The following C16orf74 variants were observed in gnomAD, a reference collection of about 807,000 sequenced individuals.
The protein encoded by C16orf74 is calcimembrin, also known as uncharacterized protein C16orf74.
In C16orf74, 10 loss-of-function variants were observed where a neutral mutation model predicts 6.5. The observed-to-expected ratio is 1.54, with a 90% confidence interval of 0.95 to 2.61. C16orf74 has a LOEUF of 2.61. C16orf74 is among the 30% of genes most tolerant of loss of function. The pLI, the probability that C16orf74 is intolerant of heterozygous loss-of-function variation, is 0.00. For synonymous variants in C16orf74, 60 were observed against 42.5 expected (o/e 1.41, Z -1.60); for missense variants, 141 against 105.9 (o/e 1.33, Z -1.45).
At chr16:85,712,223 C>T (rs2053977458) in intron 2 of C16orf74, among the ~76,000 whole-genome samples, 2 of 152,184 alleles carry the variant, frequency 1.3e-5, no homozygotes, top group Admixed American at 1.3e-4. Context: ...GACTGCAGCC[C>T]CGGCTGACAT....
intron 2 of C16orf74, among the ~76,000 whole-genome samples, chr16:85,719,431 G>T (rs938994975): frequency 6.6e-6 from 1 of 152,144 alleles, no homozygotes; most frequent in Admixed American, 6.5e-5. Context: ...TTTGAGAACA[G>T]TGCTTGTGGG....
chr16:85,742,176 C>T (rs2054316208), intron 1 of C16orf74, among the ~76,000 whole-genome samples: 1 of 152,138 alleles, frequency 6.6e-6, no homozygotes, highest in Non-Finnish European at 1.5e-5. Flanking sequence ...AGTTTGAGAC[C>T]AGCCTGGCCA....
chr16:85,749,071 G>A (rs929647452), intron 1 of C16orf74, among the ~76,000 whole-genome samples: 1 of 151,712 alleles, frequency 6.6e-6, no homozygotes, highest in Non-Finnish European at 1.5e-5. Context: ...GTGAGCCACT[G>A]TGCCTGGGCC....
chr16:85,729,730 T>G (rs531698557), intron 2 of C16orf74, among the ~76,000 whole-genome samples: 1 of 151,202 alleles, frequency 6.6e-6, no homozygotes. Context: ...GAGAGGGAGG[T>G]TGAATGCAGG....
chr16:85,738,620 C>T lies in C16orf74; in HGVS notation c.-18-3385G>A, dbSNP rs61155470. On this transcript the variant is annotated intron_variant, in intron 1 of 3. Transcript: ENST00000284245. ...TGCTGGGATTTCAGGTGTGAGCCAC[C>T]GCGCCGGGCCCGGCACTGGGATTTT... 9.0e-3 allele frequency among the ~76,000 whole-genome samples: 1,365 copies of T among 152,048 alleles called. 24 individuals carry two copies. The highest frequency in any genetic ancestry group is 0.031 in the African/African-American group (1,291 of 41,478).
intron 1 of C16orf74, among the ~76,000 whole-genome samples, chr16:85,746,296 G>T (rs1020663248): frequency 1.3e-5 from 2 of 152,218 alleles, no homozygotes; most frequent in Non-Finnish European, 2.9e-5. Flanking sequence ...GCTGCAGCTA[G>T]TGGAGATCGC....
intron 3 of C16orf74, among the ~76,000 whole-genome samples, chr16:85,708,834 C>T (rs941039661): frequency 6.6e-6 from 1 of 152,238 alleles, no homozygotes; most frequent in African/African-American, 2.4e-5. Flanking sequence ...CCCTCCCAGA[C>T]AGCCTTCCAT....
chr16:85,738,668 C>T (rs1029076697), intron 1 of C16orf74, among the ~76,000 whole-genome samples: 86 of 151,916 alleles, frequency 5.7e-4, no homozygotes, highest in African/African-American at 2.0e-3. Context: ...GCAGGACTCT[C>T]ACATGCAGGA....
chr16:85,741,252 C>G (rs1438477794), intron 1 of C16orf74, among the ~76,000 whole-genome samples: 1 of 152,184 alleles, frequency 6.6e-6, no homozygotes, highest in Non-Finnish European at 1.5e-5. Flanking sequence ...GGGCCAGGCT[C>G]TGGCCGAGCA....
At chr16:85,725,856 G>C (rs7204284) in intron 2 of C16orf74, among the ~76,000 whole-genome samples, 3,706 of 152,162 alleles carry the variant, frequency 0.024, 149 homozygotes, top group African/African-American at 0.083. Flanking sequence ...TGCCCACCTT[G>C]GCTTTCCGAA....
chr16:85,708,204 C>A, intron 3 of C16orf74, 138 bp from the exon 4 acceptor site: 2 of 707,530 alleles, frequency 2.8e-6, no homozygotes, highest in South Asian at 3.5e-5. Context: ...TGGGACCCAG[C>A]CCAGTGATGC....
chr16:85,714,406 T>TAC (rs2054000245), intron 2 of C16orf74, among the ~76,000 whole-genome samples: 8 of 35,736 alleles, frequency 2.2e-4, no homozygotes, highest in East Asian at 1.7e-3. Flanking sequence ...TATTTATTAT[T>TAC]TATTTATTTA....
chr16:85,730,673 AC>A (rs2054178533), intron 2 of C16orf74, among the ~76,000 whole-genome samples: 2 of 143,932 alleles, frequency 1.4e-5, no homozygotes, highest in South Asian at 4.6e-4. Context: ...TAGCCAATTA[AC>A]CCCCATACAA....
At chr16:85,750,263 C>A (rs967512112) in intron 1 of C16orf74, among the ~76,000 whole-genome samples, 9 of 152,214 alleles carry the variant, frequency 5.9e-5, no homozygotes, top group African/African-American at 2.2e-4. Flanking sequence ...GCCCCGCAGC[C>A]GGAGGCGGTC....
At chr16:85,742,982 CTCA>C (rs1057001210) in intron 1 of C16orf74, among the ~76,000 whole-genome samples, 8 of 152,218 alleles carry the variant, frequency 5.3e-5, no homozygotes, top group African/African-American at 1.7e-4. Context: ...CATCATCATC[CTCA>C]TCATCGTCAT....
Position 85,722,427 on chromosome 16 carries a change from G to A in C16orf74, c.29-12120C>T, listed in dbSNP as rs528466419. Reference sequence around the variant, plus strand: ...TGGGCAGCTGAAGCTGGGAAAGGCCGCAGCCAGAGAGCGGAGCAGACTGAA... The same window carrying A: ...TGGGCAGCTGAAGCTGGGAAAGGCCACAGCCAGAGAGCGGAGCAGACTGAA... On this transcript the variant is annotated intron_variant, in intron 2 of 3. Coordinates refer to ENST00000284245, the MANE Select transcript of C16orf74 (RefSeq NM_206967.3). 2.4e-4 allele frequency among the ~76,000 whole-genome samples: 36 copies of A among 152,348 alleles called. No individual in the cohort carries two copies. The East Asian group carries it at 6.2e-3, about 26-fold the overall frequency.
chr16:85,721,418 C>T (rs1315570476), intron 2 of C16orf74, among the ~76,000 whole-genome samples: 1 of 152,200 alleles, frequency 6.6e-6, no homozygotes, highest in East Asian at 1.9e-4. Context: ...AAAATACTTC[C>T]AGACATTGCC....
rs182132957 is a variant in C16orf74, at chr16:85,720,623, T to A, written c.29-10316A>T. ...CCCCATCTCTAAAAAAATTTTTTTT[T>A]AAATTAGCCAGATGTGGTGATGTGC... On this transcript the variant is annotated intron_variant, in intron 2 of 3. Transcript: ENST00000284245. Among the ~76,000 whole-genome samples, 257 of 152,022 alleles carry A rather than the reference T, an allele frequency of 1.7e-3. 1 individual carries two copies. The highest frequency in any genetic ancestry group is 3.4e-3 in the Middle Eastern group (1 of 294).
chr16:85,709,680 C>A (rs1307674755), intron 3 of C16orf74, among the ~76,000 whole-genome samples: 2 of 152,192 alleles, frequency 1.3e-5, no homozygotes, highest in African/African-American at 4.8e-5. Flanking sequence ...ACCTCCTCAC[C>A]CTCTCCCTGG....
Sources: allele counts gnomAD v4.1 joint callset (sites outside exome capture counted in the v4.1 genomes callset), GRCh38; gene constraint gnomAD v4.1.1; transcripts MANE v1.5; gene names NCBI Gene and HGNC (gene_info 2026-07-23, HGNC 2026-07-21).